Variants in SOS1 observed in about 807,000 individuals in gnomAD.
SOS1 encodes son of sevenless homolog 1.
Under a neutral mutation model 157.6 loss-of-function variants are expected in SOS1, and 25 were observed. The observed-to-expected ratio is 0.16, with a 90% confidence interval of 0.12 to 0.22. The LOEUF (loss-of-function observed/expected upper bound fraction) is 0.22, where lower values mean the gene tolerates loss of function less well. Among genes scored for constraint, SOS1 ranks in the 10% least tolerant of loss-of-function variants. The pLI, the probability that SOS1 is intolerant of heterozygous loss-of-function variation, is 1.00. For synonymous variants in SOS1, 528 were observed against 534.0 expected, an observed-to-expected ratio of 0.99 and a Z score of 0.16; for missense variants, 1,237 against 1,599.1, an observed-to-expected ratio of 0.77 and a Z score of 3.86.
At chr2:39,071,488 T>C (rs915285440) in intron 1 of SOS1, among the ~76,000 whole-genome samples, 4 of 152,204 alleles carry the variant, frequency 2.6e-5, no homozygotes, top group African/African-American at 9.6e-5. Flanking sequence ...CATCATTGGT[T>C]ACACAAAGGA....
Position 39,006,521 on chromosome 2 carries a change from T to C in SOS1, c.2682A>G (p.Pro894=), listed in dbSNP as rs112600081. Residue 894 remains proline, a synonymous_variant, in exon 17 of 23, where the codon CCA becomes CCG. Coordinates refer to ENST00000402219, the MANE Select transcript of SOS1 (RefSeq NM_005633.4). The part of the protein sequence containing the change: ...YRLDHTFEQI[P]SRQKKILEEA... Reference sequence around the variant, plus strand: ...CTTCTAAAATTTTCTTCTGGCGACTTGGTATTTGCTATAAGGAAAAAAAAT... The same window carrying C: ...CTTCTAAAATTTTCTTCTGGCGACTCGGTATTTGCTATAAGGAAAAAAAAT... The C allele has an allele frequency of 6.5e-7, 1 of 1,548,820 alleles. No individual in the cohort carries two copies. Among genetic ancestry groups the C allele is most frequent in the Non-Finnish European group, 8.9e-7 (1 of 1,121,162 alleles).
In SOS1 at chr2:39,120,470, G is replaced by C. The variant is rs768158210; in HGVS notation, c.-48C>G. 30 of 1,495,444 alleles carry C rather than the reference G, an allele frequency of 2.0e-5. No individual in the cohort carries two copies. Among genetic ancestry groups the C allele is most frequent in the African/African-American group, 5.8e-5 (4 of 68,848 alleles). 92.6% of individuals were successfully genotyped at this position (1,495,444 alleles called of 1,614,324 possible). ...GCGGGGAGAGGGGCGGCGGCGGCCGGGCCAGGGAGCCGCGAGAGGGCGAGC... is the reference window on the plus strand; with the variant it reads ...GCGGGGAGAGGGGCGGCGGCGGCCGCGCCAGGGAGCCGCGAGAGGGCGAGC... On this transcript the variant is annotated 5_prime_UTR_variant, in exon 1 of 23. Coordinates refer to ENST00000402219, the MANE Select transcript of SOS1 (RefSeq NM_005633.4).
chr2:39,022,216 A>T (rs889406381), intron 10 of SOS1, among the ~76,000 whole-genome samples: 3 of 151,816 alleles, frequency 2.0e-5, no homozygotes, highest in Non-Finnish European at 4.4e-5. Flanking sequence ...AATCTCAGAA[A>T]TGGAAAAAGA....
chr2:39,123,651 C>A (rs1448162670), upstream of SOS1, among the ~76,000 whole-genome samples: 1 of 150,918 alleles, frequency 6.6e-6, no homozygotes, highest in African/African-American at 2.4e-5. Context: ...AGCCACCGCG[C>A]CCGGCCGAGA....
Position 38,983,567 on chromosome 2 carries a change from G to A in SOS1, c.*2257C>T, listed in dbSNP as rs1020523755. On this transcript the variant is annotated 3_prime_UTR_variant, in exon 23 of 23. Transcript: ENST00000402219. The stretch of plus-strand genomic sequence containing the variant: ...TTTATAGACTAGATAGGTTGAAAAG[G>A]GGTTATCACCTTATTGAAGGCTAAC... 2 of 57,178 alleles carry A rather than the reference G, an allele frequency of 3.5e-5. No individual in the cohort carries two copies. The highest frequency in any genetic ancestry group is 1.3e-4 in the Non-Finnish European group (2 of 14,906). The allele number at this position is 57,178 out of a possible 1,614,324, so 3.5% of individuals were successfully genotyped here. A position where few individuals can be genotyped will look rare whatever the true frequency, so the allele number is the denominator to read the frequency against.
intron 1 of SOS1, among the ~76,000 whole-genome samples, chr2:39,114,337 C>G (rs1486644523): frequency 1.3e-5 from 2 of 148,750 alleles, no homozygotes; most frequent in Non-Finnish European, 3.0e-5. Context: ...GAGTTTCACT[C>G]TTGTTGCCCA....
chr2:39,044,415 C>G (rs1440564822), intron 6 of SOS1, among the ~76,000 whole-genome samples: 1 of 152,182 alleles, frequency 6.6e-6, no homozygotes, highest in African/African-American at 2.4e-5. Context: ...ATATTATTCT[C>G]TTAGGTGTAT....
At chr2:39,121,385 G>C (rs1673890329), upstream of SOS1, among the ~76,000 whole-genome samples, 1 of 152,228 alleles carries the variant, frequency 6.6e-6, no homozygotes, top group African/African-American at 2.4e-5. Context: ...GATAAGGACT[G>C]CCCAGAGCAC....
intron 1 of SOS1, among the ~76,000 whole-genome samples, chr2:39,079,258 G>C (rs975920618): frequency 1.5e-5 from 1 of 64,526 alleles, no homozygotes; most frequent in Non-Finnish European, 3.3e-5. Context: ...AACATAAAAT[G>C]GGGCAAAAAT....
Position 39,035,200 on chromosome 2 carries a change from G to C in SOS1, c.1074+12C>G, listed in dbSNP as rs934260110. 3.2e-6 allele frequency: 5 copies of C among 1,570,894 alleles called. No individual in the cohort carries two copies. In the Admixed American group the frequency reaches 5.0e-5, roughly 16 times the overall value. ...TGAATATGTTACAAATAACAATAAA[G>C]AGTTTTCTTACCTTCAAAAGTTCAA... On this transcript the variant is annotated intron_variant, in intron 8 of 22. Transcript: ENST00000402219.
At chr2:39,072,640 T>G (rs1200937524) in intron 1 of SOS1, among the ~76,000 whole-genome samples, 1 of 152,172 alleles carries the variant, frequency 6.6e-6, no homozygotes, top group Non-Finnish European at 1.5e-5. Flanking sequence ...ATAAGCAAAA[T>G]TTTGGAAATT....
At chr2:38,987,659 T>C in intron 21 of SOS1, 68 bp from the exon 22 acceptor site, 1 of 813,056 alleles carries the variant, frequency 1.2e-6, no homozygotes, top group Non-Finnish European at 2.1e-6. Context: ...CCTTGAAAAG[T>C]CTTAGCTGGA....
chr2:39,054,254 C>T (rs571615383), intron 5 of SOS1, among the ~76,000 whole-genome samples: 3 of 152,272 alleles, frequency 2.0e-5, no homozygotes, highest in Admixed American at 6.5e-5. Context: ...TCTTTGAATC[C>T]CTGCTGCCAA....
At chr2:39,085,220 T>A (rs539859674) in intron 1 of SOS1, among the ~76,000 whole-genome samples, 7,061 of 152,114 alleles carry the variant, frequency 0.046, 385 homozygotes, top group African/African-American at 0.13. Flanking sequence ...TAATTTTTCT[T>A]TTTTTTTGTA....
rs1264252553 is a variant in SOS1, at chr2:38,983,035, C to T, written c.*2789G>A. Reference sequence around the variant, plus strand: ...TGATGCCCAACAACCTTTAATTAAGCGAACTCTCAATGTATGTTTCCTGAT... The same window carrying T: ...TGATGCCCAACAACCTTTAATTAAGTGAACTCTCAATGTATGTTTCCTGAT... On this transcript the variant is annotated 3_prime_UTR_variant, in exon 23 of 23. Transcript: ENST00000402219. The T allele has an allele frequency of 2.0e-5, 3 of 152,014 alleles. No individual in the cohort carries two copies. The highest frequency in any genetic ancestry group is 2.1e-4 in the South Asian group (1 of 4,824). 9.4% of individuals were successfully genotyped at this position (152,014 alleles called of 1,614,324 possible). A position where few individuals can be genotyped will look rare whatever the true frequency, so the allele number is the denominator to read the frequency against.
Position 39,120,509 on chromosome 2 carries a change from CAG to C in SOS1, c.-89_-88del, listed in dbSNP as rs1673835319. On this transcript the variant is annotated 5_prime_UTR_variant, in exon 1 of 23. Transcript: ENST00000402219. Reference sequence around the variant, plus strand: ...GAGAGGGCGAGCTCGCAGCGCGGAACAGGGCCGCGGCCCCACCGGACGGCCCG... The same window carrying C: ...GAGAGGGCGAGCTCGCAGCGCGGAACGGCCGCGGCCCCACCGGACGGCCCG... 8.2e-7 allele frequency: 1 copy of C among 1,221,886 alleles called. No homozygotes were observed. The highest frequency in any genetic ancestry group is 1.0e-6 in the Non-Finnish European group (1 of 979,516). The allele number at this position is 1,221,886 out of a possible 1,614,324, so 75.7% of individuals were successfully genotyped here.
intron 1 of SOS1, among the ~76,000 whole-genome samples, chr2:39,094,823 A>C (rs1672714767): frequency 6.6e-6 from 1 of 152,182 alleles, no homozygotes; most frequent in African/African-American, 2.4e-5. Context: ...ATCTATTTAC[A>C]AATAACTTAG....
chr2:39,104,730 A>T (rs1321284043), intron 1 of SOS1, among the ~76,000 whole-genome samples: 1 of 152,262 alleles, frequency 6.6e-6, no homozygotes, highest in African/African-American at 2.4e-5. Flanking sequence ...ATTACTGAGC[A>T]TTAAAAAGGA....
intron 20 of SOS1, 46 bp from the exon 21 acceptor site, chr2:38,989,360 A>C (rs1357833951): frequency 7.8e-7 from 1 of 1,275,054 alleles, no homozygotes; most frequent in African/African-American, 1.5e-5. Flanking sequence ...TTTCATTGAT[A>C]TATTCAACTC....
Sources: gnomAD v4.1 joint callset for allele counts (sites outside exome capture counted in the v4.1 genomes callset) on GRCh38, gnomAD v4.1.1 for gene constraint, MANE v1.5 for transcripts, NCBI Gene and HGNC (gene_info 2026-07-23, HGNC 2026-07-21) for gene names.